The following ZCWPW2 variants were observed in gnomAD, a reference collection of about 807,000 sequenced individuals.
ZCWPW2 encodes the protein zinc finger CW-type PWWP domain protein 2.
ZCWPW2 carries 45 observed loss-of-function variants against 46.6 expected under a neutral mutation model. The observed-to-expected ratio is 0.96, with a 90% CI of 0.76 to 1.24. ZCWPW2 has a LOEUF of 1.24. Among genes scored for constraint, ZCWPW2 ranks in the 50% most tolerant of loss-of-function variants. ZCWPW2 has a pLI of 0.00. For missense variants in ZCWPW2, 429 were observed against 403.9 expected (o/e 1.06, Z -0.53); for synonymous variants, 152 against 137.1 (o/e 1.11, Z -0.76).
chr3:28,496,059 G>A lies in ZCWPW2; in HGVS notation c.657+3886G>A, dbSNP rs376771505. 7.2e-5 allele frequency among the ~76,000 whole-genome samples: 11 copies of A among 151,978 alleles called. 1 individual carries two copies. In the East Asian group the frequency reaches 1.5e-3, roughly 21 times the overall value. Reference sequence around the variant, plus strand: ...AGGCTAAAAGCCAAGGAATGAGAAGGCTTGTTATAGAGAGGCAAACTGTCA... The same window carrying A: ...AGGCTAAAAGCCAAGGAATGAGAAGACTTGTTATAGAGAGGCAAACTGTCA... On this transcript the variant is annotated intron_variant, in intron 6 of 9. Transcript: ENST00000383768.
At chr3:28,481,655 A>C (rs1009145482) in intron 5 of ZCWPW2, among the ~76,000 whole-genome samples, 2 of 152,194 alleles carry the variant, frequency 1.3e-5, no homozygotes, top group Non-Finnish European at 2.9e-5. Context: ...TATGGATAGA[A>C]GGATCCGGAC....
chr3:28,473,380 C>A (rs937127053), intron 4 of ZCWPW2, among the ~76,000 whole-genome samples: 1 of 151,854 alleles, frequency 6.6e-6, no homozygotes, highest in African/African-American at 2.4e-5. Flanking sequence ...GAGGCTGAGG[C>A]AGGAGAATTG....
chr3:28,438,939 C>T (rs1171878928), intron 4 of ZCWPW2, among the ~76,000 whole-genome samples: 6 of 151,684 alleles, frequency 4.0e-5, no homozygotes, highest in South Asian at 2.1e-4. Context: ...AGAGAAGAAT[C>T]GGCAAACTTG....
intron 1 of ZCWPW2, among the ~76,000 whole-genome samples, chr3:28,356,568 G>A (rs991851198): frequency 7.2e-5 from 11 of 152,200 alleles, no homozygotes; most frequent in South Asian, 4.2e-4. Flanking sequence ...TGTTTGTTGC[G>A]GCACTATTCA....
In ZCWPW2 at chr3:28,380,963, T is replaced by A. The variant is rs866949207; in HGVS notation, c.-133-9535T>A. On this transcript the variant is annotated intron_variant, in intron 1 of 9. Transcript: ENST00000383768. ...ATATATATATATATATATATATATA[T>A]ATATATATTTGGTATATATATATAT... is the stretch of plus-strand genomic sequence containing the variant. Among the ~76,000 whole-genome samples the A allele has an allele frequency of 8.7e-3, 332 of 38,084 alleles. 73 individuals carry two copies. Among genetic ancestry groups the A allele is most frequent in the Middle Eastern group, 0.033 (3 of 90 alleles). The allele number at this position is 38,084 out of a possible 152,430, so 25.0% of individuals were successfully genotyped here. A position where few individuals can be genotyped will look rare whatever the true frequency, so the allele number is the denominator to read the frequency against.
intron 2 of ZCWPW2, among the ~76,000 whole-genome samples, chr3:28,409,999 A>G (rs570163452): frequency 6.6e-6 from 1 of 152,250 alleles, no homozygotes; most frequent in Non-Finnish European, 1.5e-5. Flanking sequence ...AAGGGATGGT[A>G]AAAGTTATAA....
At chr3:28,474,211 C>T (rs1023996894) in intron 4 of ZCWPW2, among the ~76,000 whole-genome samples, 5 of 152,100 alleles carry the variant, frequency 3.3e-5, no homozygotes, top group African/African-American at 4.8e-5. Context: ...TGTCAAAACT[C>T]GGAACAGAAG....
intron 2 of ZCWPW2, among the ~76,000 whole-genome samples, chr3:28,408,502 T>G (rs1696255996): frequency 6.6e-6 from 1 of 152,214 alleles, no homozygotes; most frequent in African/African-American, 2.4e-5. Flanking sequence ...AATAGTTTAA[T>G]CTAGATAATA....
intron 4 of ZCWPW2, among the ~76,000 whole-genome samples, chr3:28,470,690 A>C (rs1699009204): frequency 1.3e-5 from 2 of 152,074 alleles, no homozygotes; most frequent in African/African-American, 4.8e-5. Context: ...GTACTAAAAA[A>C]GCAAGAGCAA....
rs189548637 is a variant in ZCWPW2, at chr3:28,446,820, A to T, written c.492+11551A>T. ...AAAGACTCAAATTACTAAAGTCAGA[A>T]ATAAAGCAGGGACATTACTACCAAT... On this transcript the variant is annotated intron_variant, in intron 4 of 9. Coordinates refer to ENST00000383768, the MANE Select transcript of ZCWPW2 (RefSeq NM_001040432.4). Among the ~76,000 whole-genome samples, 457 of 152,248 alleles carry T rather than the reference A, an allele frequency of 3.0e-3. 1 individual carries two copies. Among genetic ancestry groups the T allele is most frequent in the Non-Finnish European group, 4.0e-3 (271 of 67,984 alleles).
intron 6 of ZCWPW2, among the ~76,000 whole-genome samples, chr3:28,509,425 A>G (rs1417999443): frequency 2.0e-5 from 3 of 152,144 alleles, no homozygotes; most frequent in Non-Finnish European, 4.4e-5. Flanking sequence ...AAGTAGCTGT[A>G]CCATTTTATA....
chr3:28,454,230 G>T (rs537434751), intron 4 of ZCWPW2, among the ~76,000 whole-genome samples: 9 of 152,036 alleles, frequency 5.9e-5, no homozygotes, highest in Non-Finnish European at 1.0e-4. Context: ...ACATCAAAAG[G>T]AGTTTTAATA....
chr3:28,459,226 C>A (rs1698536840), intron 4 of ZCWPW2, among the ~76,000 whole-genome samples: 1 of 152,010 alleles, frequency 6.6e-6, no homozygotes, highest in Non-Finnish European at 1.5e-5. Flanking sequence ...AAAAATTAGC[C>A]AGGCATGCTG....
chr3:28,478,785 A>C, intron 4 of ZCWPW2, 29 bp from the exon 5 acceptor site: 1 of 1,268,122 alleles, frequency 7.9e-7, no homozygotes, highest in Non-Finnish European at 1.1e-6. Context: ...TTAAAAATGA[A>C]TTTTTTTCTT....
At chr3:28,350,781 TAATTA>T (rs1704520841) in intron 1 of ZCWPW2, among the ~76,000 whole-genome samples, 1 of 151,748 alleles carries the variant, frequency 6.6e-6, no homozygotes, top group Non-Finnish European at 1.5e-5. Context: ...TCTGATAAGT[TAATTA>T]AAAGATACAG....
At chr3:28,487,204 G>C (rs990368238) in intron 5 of ZCWPW2, among the ~76,000 whole-genome samples, 4 of 151,634 alleles carry the variant, frequency 2.6e-5, no homozygotes, top group African/African-American at 9.7e-5. Context: ...TTTTGTTCCT[G>C]CATCTCTTTT....
chr3:28,482,134 T>TC (rs1484633658), intron 5 of ZCWPW2, among the ~76,000 whole-genome samples: 5 of 152,202 alleles, frequency 3.3e-5, no homozygotes, highest in African/African-American at 1.2e-4. Context: ...AAAAATCCTT[T>TC]GTGTTCCAGC....
chr3:28,515,559 C>G lies in ZCWPW2; in HGVS notation c.722C>G (p.Ala241Gly). ...KPKFRKRKRK[A>G]ILKCSFENVY... ...CTGTCAAATTCTTTTTCTAGGAAAG[C>G]AATTTTAAAATGCTCTTTTGAAAAT... Residue 241 changes from alanine (A) to glycine (G), a missense_variant, in exon 8 of 10, where the codon GCA (alanine) becomes GGA (glycine). Physicochemically the swap from Ala to Gly is moderately conservative, Grantham distance 60 (BLOSUM62 0). Coordinates refer to ENST00000383768, the MANE Select transcript of ZCWPW2 (RefSeq NM_001040432.4). The G allele has an allele frequency of 6.2e-7, 1 of 1,607,120 alleles. No homozygotes were observed.
rs1435558469 is a variant in ZCWPW2, at chr3:28,362,167, A to G, written c.-134+12964A>G. 3.3e-5 allele frequency among the ~76,000 whole-genome samples: 5 copies of G among 152,214 alleles called. No homozygotes were observed. The East Asian group carries it at 9.6e-4, about 29-fold the overall frequency. On this transcript the variant is annotated intron_variant, in intron 1 of 9. Transcript: ENST00000383768. ...TGGATAAAGAAAATGTGGTGTATAA[A>G]TGGAATGGAATATCCTTCAGCCTTA...
Sources: gnomAD v4.1 joint callset for allele counts (sites outside exome capture counted in the v4.1 genomes callset) on GRCh38, gnomAD v4.1.1 for gene constraint, MANE v1.5 for transcripts, NCBI Gene and HGNC (gene_info 2026-07-23, HGNC 2026-07-21) for gene names.